TJP3: variants seen among roughly 807,000 people sequenced by gnomAD.
The protein encoded by TJP3 is tight junction protein ZO-3.
A neutral mutation model predicts 104.2 loss-of-function variants in TJP3; 85 were observed. That is an observed-to-expected ratio of 0.82 (90% CI 0.68 to 0.98). TJP3 has a LOEUF of 0.98. TJP3 is among the 50% of genes least tolerant of loss of function. TJP3 has a pLI of 0.00. For synonymous variants in TJP3, 550 were observed against 550.6 expected (o/e 1.00, Z 0.02); for missense variants, 1,367 against 1,322.8 (o/e 1.03, Z -0.52).
rs564684318 is a variant in TJP3, at chr19:3,717,435, A to AT, written c.-10+8883dup. On this transcript the variant is annotated intron_variant, in intron 1 of 20. Transcript: ENST00000541714. The stretch of plus-strand genomic sequence containing the variant: ...TATATATATATATATATATAATTTT[A>AT]TTTTTTTTTGAAACATAGTGTTGTG... Among the ~76,000 whole-genome samples, 462 of 140,642 alleles carry AT rather than the reference A, an allele frequency of 3.3e-3. 4 individuals carry two copies. Among genetic ancestry groups the AT allele is most frequent in the African/African-American group, 0.01 (384 of 38,064 alleles). The allele number at this position is 140,642 out of a possible 152,430, so 92.3% of individuals were successfully genotyped here. A position where few individuals can be genotyped will look rare whatever the true frequency, so the allele number is the denominator to read the frequency against.
At position 3,740,629 on chromosome 19, in the gene TJP3, C is replaced by A. The variant is rs1295727705; in HGVS notation, c.1709C>A (p.Ala570Asp). Residue 570 changes from alanine to aspartate, a missense_variant, in exon 14 of 21, where the codon GCT (alanine) becomes GAT (aspartate). Coordinates refer to ENST00000541714, the MANE Select transcript of TJP3 (RefSeq NM_001267560.2). ...CCCGGCTCCTCCGCGGGCTCCAATGCTCGGGCCGAGTTCTGGCGGCTGCGG... is the reference window on the plus strand; with the variant it reads ...CCCGGCTCCTCCGCGGGCTCCAATGATCGGGCCGAGTTCTGGCGGCTGCGG... Reference protein sequence around the residue: ...VGPGSSAGSNARAEFWRLRGL... With the variant: ...VGPGSSAGSNDRAEFWRLRGL... 3.8e-6 allele frequency: 6 copies of A among 1,592,718 alleles called. No individual in the cohort carries two copies. The highest frequency in any genetic ancestry group is 3.4e-6 in the Non-Finnish European group (4 of 1,171,042).
chr19:3,744,198 C>T lies in TJP3; in HGVS notation c.1939+164C>T, dbSNP rs78315209. ...GCCAGACATCCTCAATCCATCTTGG[C>T]ACCGTTTGTCTGGATAGAACCTCCA... On this transcript the variant is annotated intron_variant, in intron 15 of 20. Transcript: ENST00000541714. 4.6e-3 allele frequency among the ~76,000 whole-genome samples: 703 copies of T among 152,312 alleles called. 4 individuals are homozygous for T. The highest frequency in any genetic ancestry group is 0.016 in the African/African-American group (683 of 41,572).
At chr19:3,738,506 C>T (rs1052457423) in intron 11 of TJP3, 49 bp from the exon 12 acceptor site, 2 of 1,535,322 alleles carry the variant, frequency 1.3e-6, no homozygotes, top group South Asian at 2.3e-5. Flanking sequence ...CTCATGCACG[C>T]CCAAGAGGTA....
Position 3,739,015 on chromosome 19 carries a change from G to A in TJP3, c.1512G>A (p.Val504=). 6.2e-7 allele frequency: 1 copy of A among 1,612,850 alleles called. No individual in the cohort carries two copies. Among genetic ancestry groups the A allele is most frequent in the Non-Finnish European group, 8.5e-7 (1 of 1,179,714 alleles). The change falls in exon 13 of 21, where the codon GTG becomes GTA. Residue 504 remains valine, a synonymous_variant. Coordinates refer to ENST00000541714, the MANE Select transcript of TJP3 (RefSeq NM_001267560.2). ...TCACCCGTGGCGACGTCTTCCACGT[G>A]CTGGACACGCTGCACCCCGGCCCCG... ...LGFTRGDVFH[V]LDTLHPGPGQ... is the part of the protein sequence containing the mutation.
At chr19:3,744,919 C>A (rs941971368) in intron 15 of TJP3, among the ~76,000 whole-genome samples, 31 of 151,902 alleles carry the variant, frequency 2.0e-4, no homozygotes, top group Admixed American at 1.1e-3. Context: ...CAGAGGGAGA[C>A]CCTGTCTCGA....
intron 1 of TJP3, among the ~76,000 whole-genome samples, chr19:3,717,639 G>A (rs530620940): frequency 6.6e-6 from 1 of 150,950 alleles, no homozygotes; most frequent in Non-Finnish European, 1.5e-5. Flanking sequence ...TTTGCCCTGT[G>A]GGCCAGGCTG....
chr19:3,732,292 G>T (rs2036681924), intron 6 of TJP3, among the ~76,000 whole-genome samples: 1 of 151,998 alleles, frequency 6.6e-6, no homozygotes, highest in Non-Finnish European at 1.5e-5. Context: ...CTCTAGCTTT[G>T]ATGTGCATCA....
At position 3,746,986 on chromosome 19, in the gene TJP3, ACTGTG is replaced by A; in HGVS notation, c.2322+111_2322+115del. The A allele has an allele frequency of 9.3e-7, 1 of 1,071,130 alleles. No homozygotes were observed. The highest frequency in any genetic ancestry group is 3.0e-4 in the Middle Eastern group (1 of 3,370). The allele number at this position is 1,071,130 out of a possible 1,614,324, so 66.4% of individuals were successfully genotyped here. On this transcript the variant is annotated intron_variant, in intron 18 of 20. Transcript: ENST00000541714. The surrounding 1 kb of genome is among the most constrained non-coding windows in gnomAD (Gnocchi z 4.1). ...AGTTAGGGCTTGGTCAGGGATCAGG[ACTGTG>A]GCCAGAGTCAAGATGGGACCTGAGA...
At chr19:3,722,496 A>G (rs2036550993) in intron 1 of TJP3, among the ~76,000 whole-genome samples, 1 of 143,958 alleles carries the variant, frequency 6.9e-6, no homozygotes, top group African/African-American at 2.6e-5. Flanking sequence ...TTGGGTGCCT[A>G]CTGTGTACAA....
chr19:3,750,168 C>T lies in TJP3; in HGVS notation c.2641C>T (p.Arg881Ter), dbSNP rs745572486. ...CAGCCGCCACCCCCAGGGACAGTGG[C>T]GACAGGACAGCATGCGGTAAGAACC... ...VDSRHPQGQW[R>*]QDSMRTYERE... The change falls in exon 20 of 21, where the codon CGA (arginine) becomes TGA (stop). Residue 881 changes from arginine to a stop codon, truncating the protein, a stop_gained. Transcript: ENST00000541714. LOFTEE classifies it high-confidence loss of function. 3.6e-5 allele frequency: 58 copies of T among 1,613,538 alleles called. No individual in the cohort carries two copies. Among genetic ancestry groups the T allele is most frequent in the Non-Finnish European group, 4.2e-5 (49 of 1,179,960 alleles).
chr19:3,740,203 A>G (rs570717371), intron 13 of TJP3, among the ~76,000 whole-genome samples: 2 of 151,934 alleles, frequency 1.3e-5, no homozygotes, highest in African/African-American at 2.4e-5. Context: ...CTGCACTCCA[A>G]CCTGGCGACG....
At position 3,746,570 on chromosome 19, in the gene TJP3, TC is replaced by T; in HGVS notation, c.2100del (p.Glu701ArgfsTer45). ...TACTACCCCATTGTGGTCTTCTTCA[TC>T]CCCGAGAGCCGGCCGGCCCTCAAGG... ...VQYYPIVVFF[I>X]PESRPALKAL... On this transcript the variant is annotated frameshift_variant, in exon 17 of 21. Coordinates refer to ENST00000541714, the MANE Select transcript of TJP3 (RefSeq NM_001267560.2). LOFTEE classifies it high-confidence loss of function. The surrounding 1 kb of genome is among the most constrained non-coding windows in gnomAD (Gnocchi z 4.1). The T allele has an allele frequency of 6.2e-7, 1 of 1,613,832 alleles. No homozygotes were observed. Among genetic ancestry groups the T allele is most frequent in the East Asian group, 2.2e-5 (1 of 44,862 alleles).
At chr19:3,708,582 T>G (rs951924323) in intron 1 of TJP3, 21 bp downstream of exon 1, 3 of 152,036 alleles carry the variant, frequency 2.0e-5, no homozygotes, top group Non-Finnish European at 4.4e-5. Flanking sequence ...CGCCCCACTG[T>G]GCTTTTCCAC....
intron 19 of TJP3, among the ~76,000 whole-genome samples, chr19:3,749,454 C>A (rs1228646114): frequency 6.6e-6 from 1 of 152,168 alleles, no homozygotes; most frequent in Non-Finnish European, 1.5e-5. Context: ...AGCCTCTCAT[C>A]TCAGCCTCCG....
At position 3,746,760 on chromosome 19, in the gene TJP3, C is replaced by G; in HGVS notation, c.2222-16C>G. The G allele has an allele frequency of 6.2e-7, 1 of 1,602,726 alleles. No homozygotes were observed. The highest frequency in any genetic ancestry group is 2.2e-5 in the East Asian group (1 of 44,498). ...AGCCTGAGTCTCCTGCACACACTGACGTCCCCTCCCTGCAGCCACCATCCC... is the reference window on the plus strand; with the variant it reads ...AGCCTGAGTCTCCTGCACACACTGAGGTCCCCTCCCTGCAGCCACCATCCC... On this transcript the variant is annotated splice_polypyrimidine_tract_variant and intron_variant, in intron 17 of 20. Transcript: ENST00000541714. The surrounding 1 kb of genome is among the most constrained non-coding windows in gnomAD (Gnocchi z 4.1).
chr19:3,733,029 T>TTTTTG (rs144000235), intron 6 of TJP3, among the ~76,000 whole-genome samples: 1 of 149,902 alleles, frequency 6.7e-6, no homozygotes, highest in Non-Finnish European at 1.5e-5. Context: ...TCTCTTCTCT[T>TTTTTG]TTTTCTTTTC....
At chr19:3,749,090 T>G (rs1482773313) in intron 19 of TJP3, among the ~76,000 whole-genome samples, 2 of 151,648 alleles carry the variant, frequency 1.3e-5, no homozygotes, top group South Asian at 2.1e-4. Context: ...CAGGCTGGTC[T>G]CCGATTCCTG....
intron 1 of TJP3, among the ~76,000 whole-genome samples, chr19:3,711,748 A>AAAAAAAAAAAAAAAAAG (rs377487730): frequency 4.7e-5 from 6 of 128,166 alleles, no homozygotes; most frequent in African/African-American, 1.5e-4. Flanking sequence ...AAAAAAAAAA[A>AAAAAAAAAAAAAAAAAG]AAAGGTGCTT....
At position 3,717,405 on chromosome 19, in the gene TJP3, T is replaced by TTATATA. The variant is rs112882829; in HGVS notation, c.-10+8863_-10+8868dup. Among the ~76,000 whole-genome samples the TTATATA allele has an allele frequency of 5.1e-3, 687 of 133,586 alleles. 4 individuals are homozygous for TTATATA. Among genetic ancestry groups the TTATATA allele is most frequent in the African/African-American group, 7.2e-3 (275 of 38,210 alleles). The allele number at this position is 133,586 out of a possible 152,430, so 87.6% of individuals were successfully genotyped here. A position where few individuals can be genotyped will look rare whatever the true frequency, so the allele number is the denominator to read the frequency against. Reference sequence around the variant, plus strand: ...GTGAGCCACTGTGCCCAGCCATAGCTTATATATATATATATATATATATAA... The same window carrying TTATATA: ...GTGAGCCACTGTGCCCAGCCATAGCTTATATATATATATATATATATATATATATAA... On this transcript the variant is annotated intron_variant, in intron 1 of 20. Coordinates refer to ENST00000541714, the MANE Select transcript of TJP3 (RefSeq NM_001267560.2).
Sources: gnomAD v4.1 joint callset for allele counts (sites outside exome capture counted in the v4.1 genomes callset) on GRCh38, gnomAD v4.1.1 for gene constraint, Gnocchi (gnomAD v3.1) non-coding constraint, MANE v1.5 for transcripts, NCBI Gene and HGNC (gene_info 2026-07-23, HGNC 2026-07-21) for gene names.